SGIP1: variants seen among roughly 807,000 people sequenced by gnomAD.
The protein encoded by SGIP1 is SH3-containing GRB2-like protein 3-interacting protein 1.
Under a neutral mutation model 107.5 loss-of-function variants are expected in SGIP1, and 38 were observed. The ratio of observed to expected loss-of-function variants is 0.35; its 90% confidence interval spans 0.27 to 0.46. The LOEUF (loss-of-function observed/expected upper bound fraction) is 0.46, where lower values mean the gene tolerates loss of function less well. Among genes scored for constraint, SGIP1 ranks in the 20% least tolerant of loss-of-function variants. The pLI is 1.00. For missense variants in SGIP1, 929 were observed against 1,019.5 expected (o/e 0.91, Z 1.21); for synonymous variants, 365 against 366.1 (o/e 1.00, Z 0.03).
At chr1:66,734,753 G>C (rs890152210) in intron 21 of SGIP1, among the ~76,000 whole-genome samples, 2 of 151,946 alleles carry the variant, frequency 1.3e-5, no homozygotes, top group Admixed American at 6.6e-5. Context: ...TGATCCGCCC[G>C]CATCAGCCTC....
chr1:66,652,964 G>A (rs2079044897), intron 7 of SGIP1, among the ~76,000 whole-genome samples: 1 of 152,164 alleles, frequency 6.6e-6, no homozygotes, highest in South Asian at 2.1e-4. Flanking sequence ...GGGCAAATGT[G>A]ATTTGTATTG....
At chr1:66,602,634 G>A (rs1228853147) in intron 1 of SGIP1, among the ~76,000 whole-genome samples, 1 of 148,010 alleles carries the variant, frequency 6.8e-6, no homozygotes, top group Non-Finnish European at 1.5e-5. Context: ...AGAACTTAAA[G>A]TATAATAATA....
At chr1:66,726,986 A>C (rs2093785428) in intron 19 of SGIP1, among the ~76,000 whole-genome samples, 1 of 152,222 alleles carries the variant, frequency 6.6e-6, no homozygotes. Context: ...GGAAAAAGAA[A>C]ATACAAATGA....
At chr1:66,607,615 C>T (rs1482223347) in intron 1 of SGIP1, among the ~76,000 whole-genome samples, 1 of 152,204 alleles carries the variant, frequency 6.6e-6, no homozygotes, top group Non-Finnish European at 1.5e-5. Flanking sequence ...TGGATATATT[C>T]TGTGACAGGG....
At chr1:66,684,456 A>G (rs1166730527) in intron 15 of SGIP1, among the ~76,000 whole-genome samples, 1 of 152,244 alleles carries the variant, frequency 6.6e-6, no homozygotes, top group Non-Finnish European at 1.5e-5. Context: ...TGTAAAGATA[A>G]TAAAGAACCA....
At chr1:66,639,447 G>A (rs1333526623) in intron 4 of SGIP1, among the ~76,000 whole-genome samples, 2 of 152,188 alleles carry the variant, frequency 1.3e-5, no homozygotes, top group South Asian at 2.1e-4. Flanking sequence ...TATATCTCCT[G>A]TAGATTTAGA....
At chr1:66,560,557 T>C (rs1052741839) in intron 1 of SGIP1, among the ~76,000 whole-genome samples, 1 of 152,090 alleles carries the variant, frequency 6.6e-6, no homozygotes, top group Non-Finnish European at 1.5e-5. Context: ...GGTTTCTTAA[T>C]AACATTCCTG....
intron 18 of SGIP1, among the ~76,000 whole-genome samples, chr1:66,697,729 G>C (rs1226599652): frequency 6.6e-6 from 1 of 152,126 alleles, no homozygotes; most frequent in African/African-American, 2.4e-5. Flanking sequence ...GTAAAACCTA[G>C]AAGAATTTTT....
In SGIP1 at chr1:66,746,165, G is replaced by A. The variant is rs1329529014; in HGVS notation, c.*3070G>A. The A allele has an allele frequency of 6.6e-6, 1 of 152,186 alleles. No individual in the cohort carries two copies. Among genetic ancestry groups the A allele is most frequent in the African/African-American group, 2.4e-5 (1 of 41,464 alleles). 9.4% of individuals were successfully genotyped at this position (152,186 alleles called of 1,614,324 possible). A position where few individuals can be genotyped will look rare whatever the true frequency, so the allele number is the denominator to read the frequency against. On this transcript the variant is annotated 3_prime_UTR_variant, in exon 25 of 25. Transcript: ENST00000371037. ...TTCTAAATCTTCTTTTAGAAAAGCA[G>A]ATAACTATAATACCTTGGCTCTGCC...
chr1:66,665,547 A>T (rs759151553), intron 8 of SGIP1, among the ~76,000 whole-genome samples: 7 of 152,200 alleles, frequency 4.6e-5, no homozygotes, highest in Non-Finnish European at 1.0e-4. Context: ...GAATCGCCAC[A>T]CTGCCTTCCA....
intron 7 of SGIP1, among the ~76,000 whole-genome samples, chr1:66,651,005 T>G (rs1325242394): frequency 2.0e-5 from 3 of 152,180 alleles, no homozygotes; most frequent in African/African-American, 7.2e-5. Context: ...CAAGGCTTAA[T>G]CGAGTGTAAA....
chr1:66,727,443 C>T (rs2093806887), intron 19 of SGIP1, among the ~76,000 whole-genome samples: 2 of 152,190 alleles, frequency 1.3e-5, no homozygotes. Context: ...CCCTCATGCA[C>T]AGCTGTATTT....
intron 7 of SGIP1, among the ~76,000 whole-genome samples, chr1:66,656,437 A>T (rs1341098108): frequency 6.6e-6 from 1 of 152,218 alleles, no homozygotes; most frequent in Non-Finnish European, 1.5e-5. Flanking sequence ...TTATATAATC[A>T]AGTATTTGTA....
At chr1:66,550,001 G>A (rs2057156506) in intron 1 of SGIP1, among the ~76,000 whole-genome samples, 1 of 152,154 alleles carries the variant, frequency 6.6e-6, no homozygotes, top group Non-Finnish European at 1.5e-5. Context: ...AAGAAAAGAA[G>A]AGTCCCTCCC....
chr1:66,611,129 A>G (rs891523852), intron 1 of SGIP1, among the ~76,000 whole-genome samples: 5 of 152,218 alleles, frequency 3.3e-5, no homozygotes, highest in Non-Finnish European at 7.3e-5. Context: ...CCAAAAACCT[A>G]TGGGAATAAA....
chr1:66,673,010 C>T (rs2084211750), intron 11 of SGIP1, among the ~76,000 whole-genome samples: 2 of 152,026 alleles, frequency 1.3e-5, no homozygotes, highest in South Asian at 4.1e-4. Context: ...AAGAGTTATT[C>T]TCCTTCAACT....
intron 17 of SGIP1, among the ~76,000 whole-genome samples, chr1:66,691,226 C>G (rs183363216): frequency 5.1e-4 from 78 of 152,222 alleles, no homozygotes; most frequent in Non-Finnish European, 7.9e-4. Flanking sequence ...TTGGGAGAAT[C>G]GTTAACTAAA....
At chr1:66,629,109 G>T (rs911796429) in intron 2 of SGIP1, among the ~76,000 whole-genome samples, 2 of 152,226 alleles carry the variant, frequency 1.3e-5, no homozygotes, top group African/African-American at 2.4e-5. Flanking sequence ...GCTTGTGTTT[G>T]TCTGTGATCA....
chr1:66,548,536 C>A (rs1330921497), intron 1 of SGIP1, among the ~76,000 whole-genome samples: 3 of 152,104 alleles, frequency 2.0e-5, no homozygotes, highest in Admixed American at 6.6e-5. Flanking sequence ...GGGTATCATG[C>A]ACTTTTTTTA....
Sources: gnomAD v4.1 joint callset for allele counts (sites outside exome capture counted in the v4.1 genomes callset) on GRCh38, gnomAD v4.1.1 for gene constraint, MANE v1.5 for transcripts, NCBI Gene and HGNC (gene_info 2026-07-23, HGNC 2026-07-21) for gene names.